The following KRT38 variants were observed in gnomAD, a reference collection of about 807,000 sequenced individuals.
The protein encoded by KRT38 is keratin 38.
Under a neutral mutation model 43.1 loss-of-function variants are expected in KRT38, and 45 were observed. That is an observed-to-expected ratio of 1.04 (90% confidence interval 0.82 to 1.34). KRT38 has a LOEUF of 1.34. Ranked by LOEUF, KRT38 falls within the 40% of genes most tolerant of loss-of-function variation. KRT38 has a pLI of 0.00. For synonymous variants in KRT38, 258 were observed against 244.0 expected, an observed-to-expected ratio of 1.06 and a Z score of -0.53; for missense variants, 627 against 586.2, an observed-to-expected ratio of 1.07 and a Z score of -0.72.
rs2018736042 is a variant in KRT38 at position 41,437,298 on chromosome 17, C to G, written c.*114G>C. The G allele has an allele frequency of 5.3e-6, 6 of 1,122,878 alleles. No homozygotes were observed. Among genetic ancestry groups the G allele is most frequent in the Non-Finnish European group, 7.1e-6 (6 of 846,950 alleles). The allele number at this position is 1,122,878 out of a possible 1,614,324, so 69.6% of individuals were successfully genotyped here. On this transcript the variant is annotated 3_prime_UTR_variant, in exon 7 of 7. Coordinates refer to ENST00000246646, the MANE Select transcript of KRT38 (RefSeq NM_006771.4). The stretch of plus-strand genomic sequence containing the variant: ...TCCACTGTCCCTGGTATCTCATAGC[C>G]TTTGGACAGGCCTATACATACAGAA...
chr17:41,440,137 C>G lies in KRT38; in HGVS notation c.575+24G>C, dbSNP rs772900723. The G allele has an allele frequency of 5.7e-5, 91 of 1,594,860 alleles. 1 individual carries two copies. Among genetic ancestry groups the G allele is most frequent in the Non-Finnish European group, 7.8e-5 (91 of 1,162,684 alleles). ...GATGGAGGGTGGGGAAGGAGTCACC[C>G]TGGCCCTCCTCCGCCTGACTTACTT... is the stretch of plus-strand genomic sequence containing the variant. On this transcript the variant is annotated intron_variant, in intron 2 of 6. Transcript: ENST00000246646.
rs1482540141 is a variant in KRT38 at position 41,438,529 on chromosome 17, T to C, written c.982A>G (p.Asn328Asp). 1 of 1,614,086 alleles carries C rather than the reference T, an allele frequency of 6.2e-7. No individual in the cohort carries two copies. Among genetic ancestry groups the C allele is most frequent in the Non-Finnish European group, 8.5e-7 (1 of 1,179,988 alleles). The change falls in exon 5 of 7, where the codon AAT (asparagine) becomes GAT (aspartate). Residue 328 changes from asparagine (N) to aspartate (D), a missense_variant. Asn to Asp is a conservative substitution (Grantham distance 23). Transcript: ENST00000246646. ...SEILELRCTV[N>D]ALEVERQAQH... ...GCTTGGCGCTCCACCTCCAGGGCAT[T>C]CACCGTGCATCTCAGCTCCAGGATC...
At chr17:41,438,050 T>G in intron 6 of KRT38, 43 bp downstream of exon 6, 2 of 1,596,500 alleles carry the variant, frequency 1.3e-6, no homozygotes, top group Non-Finnish European at 1.7e-6. Flanking sequence ...CTCATCAGAA[T>G]TGAGTAAATA....
rs985134789 is a variant in KRT38, at chr17:41,437,467, G to A, written c.1316C>T (p.Pro439Leu). 1 of 1,556,736 alleles carries A rather than the reference G, an allele frequency of 6.4e-7. No homozygotes were observed. Among genetic ancestry groups the A allele is most frequent in the Non-Finnish European group, 8.6e-7 (1 of 1,159,434 alleles). ...APCAPRPSCGPCTTCGPTCGA... is the reference protein window; with the variant it reads ...APCAPRPSCGLCTTCGPTCGA... ...ACAGGTGGGCCCACAGGTGGTGCAG[G>A]GGCCACAGCTTGGGCGAGGAGCACA... is the stretch of plus-strand genomic sequence containing the variant. Residue 439 changes from proline to leucine, a missense_variant, in exon 7 of 7, where the codon CCC becomes CTC. Physicochemically the swap from Pro to Leu is moderately conservative, Grantham distance 98 (BLOSUM62 -3). Transcript: ENST00000246646.
chr17:41,438,356 G>A, intron 5 of KRT38, 43 bp from the exon 6 acceptor site: 1 of 1,605,088 alleles, frequency 6.2e-7, no homozygotes, highest in African/African-American at 1.3e-5. Context: ...AGGCCCCAAG[G>A]GAAACTGCTA....
rs1183588697 is a variant in KRT38, at chr17:41,440,436, T to C, written c.486A>G (p.Gln162=). The C allele has an allele frequency of 1.9e-6, 3 of 1,613,284 alleles. No homozygotes were observed. Among genetic ancestry groups the C allele is most frequent in the South Asian group, 1.1e-5 (1 of 91,066 alleles). ...AAGCGATCCCACACCTCACCTTCTG[T>C]TGGAGCTCCTCGATGGTGTGGAAGT... ...QSYFHTIEEL[Q]QKILCSKAEN... The change falls in exon 1 of 7, where the codon CAA becomes CAG. Residue 162 remains glutamine, a synonymous_variant. Transcript: ENST00000246646.
Position 41,437,286 on chromosome 17 carries a change from G to T in KRT38, c.*126C>A. 1 of 951,806 alleles carries T rather than the reference G, an allele frequency of 1.1e-6. No homozygotes were observed. The highest frequency in any genetic ancestry group is 1.4e-6 in the Non-Finnish European group (1 of 704,792). 59.0% of individuals were successfully genotyped at this position (951,806 alleles called of 1,614,324 possible). On this transcript the variant is annotated 3_prime_UTR_variant, in exon 7 of 7. Transcript: ENST00000246646. ...TTCCATCAAGATTCCACTGTCCCTGGTATCTCATAGCCTTTGGACAGGCCT... is the reference window on the plus strand; with the variant it reads ...TTCCATCAAGATTCCACTGTCCCTGTTATCTCATAGCCTTTGGACAGGCCT...
chr17:41,440,806 T>C lies in KRT38; in HGVS notation c.116A>G (p.Asn39Ser), dbSNP rs1447528922. 8.1e-6 allele frequency: 13 copies of C among 1,611,686 alleles called. No homozygotes were observed. The East Asian group carries it at 1.8e-4, about 22-fold the overall frequency. The change falls in exon 1 of 7, where the codon AAC becomes AGC. Residue 39 changes from asparagine to serine, a missense_variant. Asn to Ser is a conservative substitution (Grantham distance 46). Coordinates refer to ENST00000246646, the MANE Select transcript of KRT38 (RefSeq NM_006771.4). The stretch of plus-strand genomic sequence containing the variant: ...GGCCAAAAGGCACATGGGGGCAATG[T>C]TGGCCTCTGCCCCAGGCTGGCACCC... ...DIGCQPGAEA[N>S]IAPMCLLANV...
chr17:41,440,738 G>C lies in KRT38; in HGVS notation c.184C>G (p.Leu62Val), dbSNP rs779810684. 6.2e-6 allele frequency: 10 copies of C among 1,613,966 alleles called. No individual in the cohort carries two copies. Among genetic ancestry groups the C allele is most frequent in the Non-Finnish European group, 8.5e-6 (10 of 1,179,974 alleles). The change falls in exon 1 of 7, where the codon CTG becomes GTG. Residue 62 changes from leucine to valine, a missense_variant. Physicochemically the swap from Leu to Val is conservative, Grantham distance 32 (BLOSUM62 1). Coordinates refer to ENST00000246646, the MANE Select transcript of KRT38 (RefSeq NM_006771.4). The stretch of plus-strand genomic sequence containing the variant: ...GGCAGACAGAGGCTGGGGCGGCCCA[G>C]GGGAGTGGACCCCACACGGACTCGG... ...ANRVRVGSTP[L>V]GRPSLCLPPT...
Position 41,437,292 on chromosome 17 carries a change from CAT to C in KRT38, c.*118_*119del. The C allele has an allele frequency of 9.5e-7, 1 of 1,054,034 alleles. No homozygotes were observed. 65.3% of individuals were successfully genotyped at this position (1,054,034 alleles called of 1,614,324 possible). A position where few individuals can be genotyped will look rare whatever the true frequency, so the allele number is the denominator to read the frequency against. On this transcript the variant is annotated 3_prime_UTR_variant, in exon 7 of 7. Coordinates refer to ENST00000246646, the MANE Select transcript of KRT38 (RefSeq NM_006771.4). ...CAAGATTCCACTGTCCCTGGTATCT[CAT>C]AGCCTTTGGACAGGCCTATACATAC...
Position 41,439,366 on chromosome 17 carries a change from T to A in KRT38, c.576-7A>T. The A allele has an allele frequency of 6.2e-7, 1 of 1,613,424 alleles. No individual in the cohort carries two copies. Among genetic ancestry groups the A allele is most frequent in the Non-Finnish European group, 8.5e-7 (1 of 1,179,720 alleles). ...GGAGCGCTCACTCTCCAGCCTTTCA[T>A]CACAGGAGGTACAGGGTCAAAAAGA... On this transcript the variant is annotated splice_region_variant and splice_polypyrimidine_tract_variant and intron_variant, in intron 2 of 6. Coordinates refer to ENST00000246646, the MANE Select transcript of KRT38 (RefSeq NM_006771.4).
chr17:41,437,659 A>C lies in KRT38; in HGVS notation c.1242-118T>G, dbSNP rs2018741593. On this transcript the variant is annotated intron_variant, in intron 6 of 6. Coordinates refer to ENST00000246646, the MANE Select transcript of KRT38 (RefSeq NM_006771.4). ...AACAACAGAACATGGACCCAGCTGG[A>C]CCCTGTGACCATTAGCACCTAGTGA... 2.8e-6 allele frequency: 3 copies of C among 1,072,926 alleles called. No homozygotes were observed. The Admixed American group carries it at 1.0e-4, about 36-fold the overall frequency. The allele number at this position is 1,072,926 out of a possible 1,614,324, so 66.5% of individuals were successfully genotyped here. A position where few individuals can be genotyped will look rare whatever the true frequency, so the allele number is the denominator to read the frequency against.
chr17:41,438,626 A>T lies in KRT38; in HGVS notation c.895-10T>A. The T allele has an allele frequency of 6.2e-7, 1 of 1,614,084 alleles. No homozygotes were observed. Among genetic ancestry groups the T allele is most frequent in the Non-Finnish European group, 8.5e-7 (1 of 1,179,970 alleles). ...GGCTGATGCCTTCAGACTGGAGCAC[A>T]GAGAGACACGGTCACCTCCCTGCCC... On this transcript the variant is annotated splice_polypyrimidine_tract_variant and intron_variant, in intron 4 of 6. Coordinates refer to ENST00000246646, the MANE Select transcript of KRT38 (RefSeq NM_006771.4).
intron 5 of KRT38, 35 bp from the exon 6 acceptor site, chr17:41,438,348 GCC>G (rs2018754519): frequency 4.4e-6 from 7 of 1,605,840 alleles, no homozygotes; most frequent in Non-Finnish European, 4.3e-6. Flanking sequence ...AATATACAAG[GCC>G]CCAAGGGAAA....
intron 2 of KRT38, among the ~76,000 whole-genome samples, chr17:41,439,624 T>A (rs2018772964): frequency 6.6e-6 from 1 of 152,216 alleles, no homozygotes; most frequent in African/African-American, 2.4e-5. Context: ...CTGACTTGCG[T>A]AAGATCATGC....
Position 41,436,950 on chromosome 17 carries a change from A to G in KRT38, c.*462T>C, listed in dbSNP as rs2320702. ...AAAGACAGGGTCAGGTACAATTCTGATTCTATTTCCCTCTCCCTAGGGCCA... is the reference window on the plus strand; with the variant it reads ...AAAGACAGGGTCAGGTACAATTCTGGTTCTATTTCCCTCTCCCTAGGGCCA... On this transcript the variant is annotated 3_prime_UTR_variant, in exon 7 of 7. Transcript: ENST00000246646. 152,060 of 153,016 alleles carry G rather than the reference A, an allele frequency of 0.99. 75,561 individuals carry two copies. Among genetic ancestry groups the G allele is most frequent in the East Asian group, 1 (5,194 of 5,194 alleles). 9.5% of individuals were successfully genotyped at this position (153,016 alleles called of 1,614,324 possible).
chr17:41,438,761 C>T lies in KRT38; in HGVS notation c.830G>A (p.Arg277Gln), dbSNP rs765971023. 15 of 1,614,102 alleles carry T rather than the reference C, an allele frequency of 9.3e-6. No individual in the cohort carries two copies. Among genetic ancestry groups the T allele is most frequent in the South Asian group, 7.7e-5 (7 of 91,076 alleles). ...CTCCAACATGGCCTCATACTGAGCC[C>T]GCATCTCCCCCAGCACCCTGTTCAG... The part of the protein sequence containing the change: ...IDLNRVLGEM[R>Q]AQYEAMLETN... The change falls in exon 4 of 7, where the codon CGG becomes CAG. Residue 277 changes from arginine to glutamine, a missense_variant. Transcript: ENST00000246646.
Position 41,438,497 on chromosome 17 carries a change from G to A in KRT38, c.1014C>T (p.His338=), listed in dbSNP as rs745681627. 1.9e-6 allele frequency: 3 copies of A among 1,614,222 alleles called. No individual in the cohort carries two copies. Among genetic ancestry groups the A allele is most frequent in the Non-Finnish European group, 2.5e-6 (3 of 1,180,040 alleles). ...NALEVERQAQ[H]TLKDCLQNSL... The stretch of plus-strand genomic sequence containing the variant: ...GAGAGTGAAGGACACGTACCAAGGT[G>A]TGCTGGGCTTGGCGCTCCACCTCCA... The change falls in exon 5 of 7, where the codon CAC becomes CAT. Residue 338 remains histidine (H), a synonymous_variant. Coordinates refer to ENST00000246646, the MANE Select transcript of KRT38 (RefSeq NM_006771.4).
Position 41,436,553 on chromosome 17 carries a change from G to A in KRT38, c.*859C>T, listed in dbSNP as rs2018728345. On this transcript the variant is annotated 3_prime_UTR_variant, in exon 7 of 7. Transcript: ENST00000246646. ...AAGAGGTGGAAGCACATCATACTTAGCAAATCTCTACCCATTGAATCAATA... is the reference window on the plus strand; with the variant it reads ...AAGAGGTGGAAGCACATCATACTTAACAAATCTCTACCCATTGAATCAATA... 1 of 152,188 alleles carries A rather than the reference G, an allele frequency of 6.6e-6. No homozygotes were observed. Among genetic ancestry groups the A allele is most frequent in the South Asian group, 2.1e-4 (1 of 4,830 alleles). The allele number at this position is 152,188 out of a possible 1,614,324, so 9.4% of individuals were successfully genotyped here. A position where few individuals can be genotyped will look rare whatever the true frequency, so the allele number is the denominator to read the frequency against.
Sources: gnomAD v4.1 joint callset for allele counts (sites outside exome capture counted in the v4.1 genomes callset) on GRCh38, gnomAD v4.1.1 for gene constraint, MANE v1.5 for transcripts, NCBI Gene and HGNC (gene_info 2026-07-23, HGNC 2026-07-21) for gene names.